Variants in CAST observed in about 807,000 individuals in gnomAD.
CAST encodes MIR583 host.
In CAST, 76 loss-of-function variants were observed where a neutral mutation model predicts 119.6. That is an observed-to-expected ratio of 0.64 (90% CI 0.53 to 0.77). CAST has a LOEUF of 0.77. Ranked by LOEUF, CAST falls within the 30% of genes least tolerant of loss-of-function variation. The pLI, the probability that CAST is intolerant of heterozygous loss-of-function variation, is 0.00. For missense variants in CAST, 953 were observed against 946.5 expected (o/e 1.01, Z -0.09); for synonymous variants, 319 against 331.6 (o/e 0.96, Z 0.41).
the CAST span, among the ~76,000 whole-genome samples, chr5:96,003,218 C>T: frequency 1.3e-5 from 2 of 151,412 alleles, no homozygotes; most frequent in African/African-American, 2.4e-5. Context: ...CCATCCTGGG[C>T]GACAGAGCAA....
At chr5:96,668,504 A>G (rs1160170004) in intron 1 of CAST, among the ~76,000 whole-genome samples, 2 of 152,242 alleles carry the variant, frequency 1.3e-5, no homozygotes, top group Non-Finnish European at 2.9e-5. Flanking sequence ...TCAGATTGCC[A>G]GGGAAAAAGA....
the CAST span, among the ~76,000 whole-genome samples, chr5:96,196,873 G>A: frequency 6.6e-6 from 1 of 152,204 alleles, no homozygotes; most frequent in East Asian, 1.9e-4. Context: ...AGAGTGGAGT[G>A]AGGAAGAGCA....
At chr5:96,104,472 C>T in the CAST span, among the ~76,000 whole-genome samples, 1 of 152,038 alleles carries the variant, frequency 6.6e-6, no homozygotes, top group African/African-American at 2.4e-5. Context: ...GTTTTCCCAG[C>T]ACCATTTATT....
At chr5:96,209,822 T>G in the CAST span, among the ~76,000 whole-genome samples, 1 of 151,830 alleles carries the variant, frequency 6.6e-6, no homozygotes, top group Non-Finnish European at 1.5e-5. Context: ...GTGGTTGTCT[T>G]GTACAGTATC....
the CAST span, among the ~76,000 whole-genome samples, chr5:95,995,305 A>G: frequency 6.6e-6 from 1 of 152,246 alleles, no homozygotes; most frequent in Admixed American, 6.5e-5. Context: ...TGATTTTTAT[A>G]TCCTGACAGA....
At chr5:96,728,852 A>G in intron 6 of CAST, 2 of 285,462 alleles carry the variant, frequency 7.0e-6, no homozygotes, top group Middle Eastern at 1.1e-3. Flanking sequence ...ATCTGTGTAC[A>G]TTTGTGAAAA....
chr5:96,752,990 A>T (rs1191249041), intron 20 of CAST, among the ~76,000 whole-genome samples: 8 of 140,800 alleles, frequency 5.7e-5, no homozygotes, highest in Admixed American at 7.2e-5. Context: ...ACACACACAC[A>T]CTCTTACATT....
chr5:96,316,724 A>C, the CAST span, among the ~76,000 whole-genome samples: 1 of 152,194 alleles, frequency 6.6e-6, no homozygotes, highest in Non-Finnish European at 1.5e-5. Flanking sequence ...TGATGCAAGA[A>C]GAGGACTCTG....
At chr5:96,497,919 G>T in the CAST span, among the ~76,000 whole-genome samples, 1 of 152,206 alleles carries the variant, frequency 6.6e-6, no homozygotes, top group Admixed American at 6.5e-5. Flanking sequence ...TGGTGTTTTA[G>T]ACATGAAGTC....
chr5:96,771,144 G>A (rs921319519), intron 30 of CAST, among the ~76,000 whole-genome samples: 28 of 152,132 alleles, frequency 1.8e-4, no homozygotes, highest in Middle Eastern at 3.2e-3. Flanking sequence ...ATTCCCTTAA[G>A]GGATATAGGA....
At chr5:96,240,668 A>G in the CAST span, among the ~76,000 whole-genome samples, 1 of 150,886 alleles carries the variant, frequency 6.6e-6, no homozygotes, top group Admixed American at 6.6e-5. Context: ...GGCTCAAGCA[A>G]TTGTGGTGCC....
At chr5:96,735,444 C>T (rs1003470141) in intron 9 of CAST, among the ~76,000 whole-genome samples, 1 of 152,122 alleles carries the variant, frequency 6.6e-6, no homozygotes, top group African/African-American at 2.4e-5. Context: ...TGCCTCTGGC[C>T]ATAGAGAATG....
the CAST span, among the ~76,000 whole-genome samples, chr5:96,396,771 G>A: frequency 6.6e-6 from 1 of 152,080 alleles, no homozygotes; most frequent in African/African-American, 2.4e-5. Context: ...GTGACTGTGT[G>A]TTAAAATTAC....
chr5:96,669,916 G>T (rs1749842699), intron 1 of CAST, among the ~76,000 whole-genome samples: 1 of 152,146 alleles, frequency 6.6e-6, no homozygotes, highest in African/African-American at 2.4e-5. Flanking sequence ...CCATGGCAAG[G>T]CCCCATTCTA....
the CAST span, among the ~76,000 whole-genome samples, chr5:96,482,742 T>C: frequency 1.3e-5 from 2 of 152,216 alleles, no homozygotes; most frequent in Non-Finnish European, 2.9e-5. Flanking sequence ...TCCTTTTCAC[T>C]GTGTGAACGT....
At chr5:95,977,240 G>C in the CAST span, among the ~76,000 whole-genome samples, 114 of 152,336 alleles carry the variant, frequency 7.5e-4, 1 homozygote, top group African/African-American at 2.1e-3. Flanking sequence ...GGCAGATTCA[G>C]TGTTTGGTGA....
At chr5:96,263,794 C>T in the CAST span, among the ~76,000 whole-genome samples, 1 of 152,048 alleles carries the variant, frequency 6.6e-6, no homozygotes, top group Non-Finnish European at 1.5e-5. Flanking sequence ...AGGAAACTTA[C>T]AATCATGGTG....
At chr5:96,498,459 G>A in the CAST span, among the ~76,000 whole-genome samples, 1 of 152,152 alleles carries the variant, frequency 6.6e-6, no homozygotes, top group Admixed American at 6.5e-5. Flanking sequence ...GGGCAGTATG[G>A]CCATTTCCTT....
At chr5:96,314,885 A>G in the CAST span, among the ~76,000 whole-genome samples, 5 of 152,228 alleles carry the variant, frequency 3.3e-5, no homozygotes, top group Non-Finnish European at 7.3e-5. Context: ...TAAATTTGCA[A>G]TATAGCTACA....
Sources: gnomAD v4.1 joint callset for allele counts (sites outside exome capture counted in the v4.1 genomes callset) on GRCh38, gnomAD v4.1.1 for gene constraint, MANE v1.5 for transcripts, NCBI Gene and HGNC (gene_info 2026-07-23, HGNC 2026-07-21) for gene names.